The following DCLK2 variants were observed in gnomAD, a reference collection of about 807,000 sequenced individuals.
DCLK2 encodes serine/threonine-protein kinase DCLK2.
In DCLK2, 31 loss-of-function variants were observed where a neutral mutation model predicts 78.4. The ratio of observed to expected loss-of-function variants is 0.40; its 90% CI spans 0.30 to 0.53. The LOEUF (loss-of-function observed/expected upper bound fraction) is 0.53, where lower values mean the gene tolerates loss of function less well. Ranked by LOEUF, DCLK2 falls within the 20% of genes least tolerant of loss-of-function variation. The pLI is 0.61. For synonymous variants in DCLK2, 407 were observed against 374.9 expected (o/e 1.09, Z -0.99); for missense variants, 872 against 973.7 (o/e 0.90, Z 1.39).
chr4:150,256,400 G>C lies in DCLK2; in HGVS notation c.*153G>C. On this transcript the variant is annotated 3_prime_UTR_variant, in exon 16 of 16. Transcript: ENST00000296550. ...CAGGCCGCCTGGGAACCGGAGCCTG[G>C]CGTGCCGGAGCCTGGCCTGGTGCTC... The C allele has an allele frequency of 9.5e-7, 1 of 1,057,002 alleles. No homozygotes were observed. Among genetic ancestry groups the C allele is most frequent in the Non-Finnish European group, 1.3e-6 (1 of 761,116 alleles). The allele number at this position is 1,057,002 out of a possible 1,614,324, so 65.5% of individuals were successfully genotyped here. A position where few individuals can be genotyped will look rare whatever the true frequency, so the allele number is the denominator to read the frequency against.
chr4:150,237,737 A>C (rs1354451475), intron 10 of DCLK2, among the ~76,000 whole-genome samples: 1 of 152,238 alleles, frequency 6.6e-6, no homozygotes, highest in African/African-American at 2.4e-5. Context: ...ATCTTGAAAA[A>C]ACATCATTTT....
rs192568796 is a variant in DCLK2 at position 150,111,449 on chromosome 4, T to A, written c.756+8637T>A. 7.0e-3 allele frequency among the ~76,000 whole-genome samples: 1,066 copies of A among 152,318 alleles called. 12 individuals are homozygous for A. The highest frequency in any genetic ancestry group is 0.024 in the African/African-American group (996 of 41,572). On this transcript the variant is annotated intron_variant, in intron 2 of 15. Coordinates refer to ENST00000296550, the MANE Select transcript of DCLK2 (RefSeq NM_001040260.4). Reference sequence around the variant, plus strand: ...GTAGGTTGTCTGTTTACTCTGATAATTGCTTTTGCTGTGCAGAAGCTTCTT... The same window carrying A: ...GTAGGTTGTCTGTTTACTCTGATAAATGCTTTTGCTGTGCAGAAGCTTCTT...
chr4:150,146,264 C>T (rs535054230), intron 2 of DCLK2, among the ~76,000 whole-genome samples: 2 of 152,188 alleles, frequency 1.3e-5, no homozygotes, highest in Non-Finnish European at 2.9e-5. Context: ...CATGGGCCCA[C>T]GTCAGCATTA....
At chr4:150,182,777 A>G (rs932211879) in intron 2 of DCLK2, among the ~76,000 whole-genome samples, 23 of 152,344 alleles carry the variant, frequency 1.5e-4, no homozygotes, top group African/African-American at 5.3e-4. Context: ...AAAAGCCTAT[A>G]GAGTATTTTT....
intron 14 of DCLK2, 140 bp from the exon 15 acceptor site, chr4:150,249,428 C>T (rs970061244): frequency 1.7e-5 from 12 of 695,666 alleles, no homozygotes; most frequent in Non-Finnish European, 3.1e-5. Context: ...TCATTGTTTC[C>T]CTAATTCTGT....
intron 1 of DCLK2, among the ~76,000 whole-genome samples, chr4:150,082,932 A>G (rs1729408011): frequency 6.6e-6 from 1 of 152,220 alleles, no homozygotes. Context: ...CAGTAGAAAA[A>G]GTGCCTGACC....
intron 5 of DCLK2, among the ~76,000 whole-genome samples, chr4:150,211,529 C>T (rs1229823732): frequency 1.3e-5 from 2 of 152,162 alleles, no homozygotes; most frequent in Admixed American, 6.5e-5. Flanking sequence ...TCTCCATTTT[C>T]ATCTCTTTAT....
chr4:150,150,990 G>T (rs1560814627), intron 2 of DCLK2, among the ~76,000 whole-genome samples: 1 of 152,254 alleles, frequency 6.6e-6, no homozygotes, highest in Admixed American at 6.5e-5. Flanking sequence ...TGCTCTTGCA[G>T]GGAAGGCTTC....
chr4:150,209,099 T>C (rs1418079844), intron 5 of DCLK2, among the ~76,000 whole-genome samples: 2 of 152,170 alleles, frequency 1.3e-5, no homozygotes, highest in Non-Finnish European at 2.9e-5. Context: ...AAACAAATGA[T>C]TGGAAACAAC....
At chr4:150,108,387 A>G (rs900463177) in intron 2 of DCLK2, among the ~76,000 whole-genome samples, 5 of 150,202 alleles carry the variant, frequency 3.3e-5, no homozygotes, top group Admixed American at 6.6e-5. Flanking sequence ...CTAAAAATAC[A>G]AAAAAAATTA....
chr4:150,204,355 A>C (rs181141781), intron 5 of DCLK2, among the ~76,000 whole-genome samples: 46 of 149,100 alleles, frequency 3.1e-4, no homozygotes, highest in African/African-American at 8.8e-4. Context: ...TAACACAAGG[A>C]AAATATGGTC....
At chr4:150,156,473 C>T (rs769193586) in intron 2 of DCLK2, among the ~76,000 whole-genome samples, 2 of 147,164 alleles carry the variant, frequency 1.4e-5, no homozygotes, top group Non-Finnish European at 3.0e-5. Flanking sequence ...ATAGTGAGGC[C>T]GTCTCTACCA....
chr4:150,119,674 G>A (rs1732374637), intron 2 of DCLK2, among the ~76,000 whole-genome samples: 1 of 151,888 alleles, frequency 6.6e-6, no homozygotes, highest in Admixed American at 6.6e-5. Context: ...AAGAGAAAAA[G>A]CTAGTTGACT....
chr4:150,251,789 ACT>A (rs2126646269), intron 15 of DCLK2, among the ~76,000 whole-genome samples: 1 of 126,442 alleles, frequency 7.9e-6, no homozygotes, highest in East Asian at 2.5e-4. Flanking sequence ...AGCATGCAGC[ACT>A]CTGTTATATG....
intron 4 of DCLK2, among the ~76,000 whole-genome samples, chr4:150,201,484 G>A (rs778740842): frequency 2.0e-5 from 3 of 152,156 alleles, no homozygotes; most frequent in Non-Finnish European, 4.4e-5. Flanking sequence ...AAACTTAGGG[G>A]ACTATATGTG....
chr4:150,126,416 G>A lies in DCLK2; in HGVS notation c.756+23604G>A, dbSNP rs72730351. ...CTATTAATAGCCAGCAGTGATGCAA[G>A]AGACTGTGGTCAAAGAAGGGAAGCT... On this transcript the variant is annotated intron_variant, in intron 2 of 15. Transcript: ENST00000296550. Among the ~76,000 whole-genome samples, 1,242 of 152,268 alleles carry A rather than the reference G, an allele frequency of 8.2e-3. 6 individuals are homozygous for A. Among genetic ancestry groups the A allele is most frequent in the South Asian group, 0.019 (91 of 4,828 alleles).
chr4:150,208,385 G>A (rs991726838), intron 5 of DCLK2, among the ~76,000 whole-genome samples: 8 of 147,352 alleles, frequency 5.4e-5, no homozygotes, highest in East Asian at 2.0e-4. Flanking sequence ...ATGGAGAAAC[G>A]GAGTTTTTTT....
intron 2 of DCLK2, among the ~76,000 whole-genome samples, chr4:150,117,641 G>T (rs990657500): frequency 6.6e-6 from 1 of 152,112 alleles, no homozygotes; most frequent in Non-Finnish European, 1.5e-5. Context: ...CTCCATCCCC[G>T]CTGGAGTCTG....
At chr4:150,119,065 A>T (rs971172933) in intron 2 of DCLK2, among the ~76,000 whole-genome samples, 4 of 151,226 alleles carry the variant, frequency 2.6e-5, no homozygotes, top group Admixed American at 1.3e-4. Flanking sequence ...TAATAATAAT[A>T]ACAATTGTGT....
Sources: allele counts gnomAD v4.1 joint callset (sites outside exome capture counted in the v4.1 genomes callset), GRCh38; gene constraint gnomAD v4.1.1; transcripts MANE v1.5; gene names NCBI Gene and HGNC (gene_info 2026-07-23, HGNC 2026-07-21).